The following CACNA1E variants were observed in gnomAD, a reference collection of about 807,000 sequenced individuals.
The protein encoded by CACNA1E is voltage-dependent R-type calcium channel subunit alpha-1E.
Under a neutral mutation model 259.2 loss-of-function variants are expected in CACNA1E, and 40 were observed. That is an observed-to-expected ratio of 0.15 (90% CI 0.12 to 0.20). The LOEUF is 0.20. Ranked by LOEUF, CACNA1E falls within the 10% of genes least tolerant of loss-of-function variation. The probability of loss-of-function intolerance (pLI) is 1.00; values close to 1 mark genes in which losing one functional copy is unlikely to be tolerated. For missense variants in CACNA1E, 1,874 were observed against 3,040.1 expected (o/e 0.62, Z 9.02); for synonymous variants, 1,104 against 1,138.5 (o/e 0.97, Z 0.61).
chr1:181,380,314 A>T (rs1655373388), intron 1 of CACNA1E, among the ~76,000 whole-genome samples: 1 of 152,110 alleles, frequency 6.6e-6, no homozygotes, highest in South Asian at 2.1e-4. Context: ...TTTGGAAAAG[A>T]AGAAACATCT....
chr1:181,719,350 C>T (rs1431977230), intron 12 of CACNA1E, among the ~76,000 whole-genome samples: 1 of 152,212 alleles, frequency 6.6e-6, no homozygotes, highest in African/African-American at 2.4e-5. Context: ...CCAAAACATT[C>T]TTGTTAGCAC....
chr1:181,524,911 G>A (rs1667242307), intron 3 of CACNA1E, among the ~76,000 whole-genome samples: 1 of 152,178 alleles, frequency 6.6e-6, no homozygotes, highest in South Asian at 2.1e-4. Context: ...CATTATCTAT[G>A]TGAGTATAAA....
At chr1:181,604,052 G>A (rs889063481) in intron 6 of CACNA1E, among the ~76,000 whole-genome samples, 4 of 152,176 alleles carry the variant, frequency 2.6e-5, no homozygotes, top group Admixed American at 6.5e-5. Flanking sequence ...TCCTGGAAAC[G>A]CTGGTTTTAA....
intron 29 of CACNA1E, among the ~76,000 whole-genome samples, chr1:181,756,675 C>T (rs1658116410): frequency 6.6e-6 from 1 of 152,198 alleles, no homozygotes; most frequent in Non-Finnish European, 1.5e-5. Context: ...TTGTATTGAA[C>T]ATGACAACCT....
chr1:181,421,378 G>A (rs550235815), intron 2 of CACNA1E, among the ~76,000 whole-genome samples: 3 of 152,272 alleles, frequency 2.0e-5, no homozygotes, highest in South Asian at 2.1e-4. Flanking sequence ...TCCTCAAAAT[G>A]TTGATGAGCA....
At chr1:181,562,710 G>C (rs1023271652) in intron 3 of CACNA1E, among the ~76,000 whole-genome samples, 3 of 152,144 alleles carry the variant, frequency 2.0e-5, no homozygotes, top group Middle Eastern at 3.2e-3. Flanking sequence ...TTCTGTGAGA[G>C]GCAGACATCT....
intron 25 of CACNA1E, among the ~76,000 whole-genome samples, chr1:181,744,803 A>G (rs2102622441): frequency 6.6e-6 from 1 of 152,376 alleles, no homozygotes; most frequent in East Asian, 1.9e-4. Flanking sequence ...ACTGAGCCAG[A>G]CAGGTCATCC....
At chr1:181,514,558 C>T (rs944875634) in intron 3 of CACNA1E, among the ~76,000 whole-genome samples, 5 of 152,196 alleles carry the variant, frequency 3.3e-5, no homozygotes, top group Non-Finnish European at 7.3e-5. Context: ...GACACCTGCA[C>T]CCACAGCAGT....
rs1430625599 is a variant in CACNA1E, at chr1:181,732,283, C to T, written c.2298-101C>T. The T allele has an allele frequency of 2.8e-6, 4 of 1,416,818 alleles. No individual in the cohort carries two copies. The highest frequency in any genetic ancestry group is 2.9e-5 in the African/African-American group (2 of 68,498). The allele number at this position is 1,416,818 out of a possible 1,614,324, so 87.8% of individuals were successfully genotyped here. ...TGCAGGTCCTGGGCACTCCCATTTG[C>T]CCCCACCATGTGTCCTGCCCTCTCA... is the stretch of plus-strand genomic sequence containing the variant. On this transcript the variant is annotated intron_variant, in intron 19 of 47. Transcript: ENST00000367573. This position sits in a 1 kb window ranked among gnomAD's most constrained non-coding sequence, Gnocchi z 5.5.
intron 7 of CACNA1E, among the ~76,000 whole-genome samples, chr1:181,675,483 A>G (rs1396943646): frequency 6.6e-6 from 1 of 152,158 alleles, no homozygotes; most frequent in Non-Finnish European, 1.5e-5. Flanking sequence ...TGCAAAACGT[A>G]TATGTGTTAA....
intron 6 of CACNA1E, among the ~76,000 whole-genome samples, chr1:181,626,190 G>C (rs1326501371): frequency 1.3e-5 from 2 of 152,254 alleles, no homozygotes; most frequent in Non-Finnish European, 2.9e-5. Context: ...TTGAAATATT[G>C]CAAGAATTAT....
chr1:181,481,725 C>T (rs532060538), upstream of CACNA1E, among the ~76,000 whole-genome samples: 7 of 152,276 alleles, frequency 4.6e-5, no homozygotes, highest in South Asian at 1.5e-3. Context: ...GCCCTCAGTT[C>T]AAACCACCAG....
intron 1 of CACNA1E, among the ~76,000 whole-genome samples, chr1:181,380,793 T>C (rs597015): frequency 0.46 from 69,602 of 151,932 alleles, 16,160 homozygotes; most frequent in African/African-American, 0.53. Flanking sequence ...AGTTTAGCAG[T>C]TTAAAAAAAA....
chr1:181,665,915 C>T (rs930567467), intron 7 of CACNA1E, among the ~76,000 whole-genome samples: 2 of 152,076 alleles, frequency 1.3e-5, no homozygotes, highest in Non-Finnish European at 2.9e-5. Context: ...CATTCTTTAA[C>T]TTCTTTTCCT....
At chr1:181,706,000 C>T (rs778616346) in intron 7 of CACNA1E, among the ~76,000 whole-genome samples, 6 of 151,608 alleles carry the variant, frequency 4.0e-5, no homozygotes, top group Non-Finnish European at 8.8e-5. Flanking sequence ...AGATGCATCC[C>T]TTCTTGATTT....
intron 6 of CACNA1E, among the ~76,000 whole-genome samples, chr1:181,603,562 C>T (rs528974866): frequency 6.6e-6 from 1 of 151,930 alleles, no homozygotes; most frequent in African/African-American, 2.4e-5. Context: ...CCCTCCCCCG[C>T]CCCCGCCAAC....
chr1:181,714,480 G>A (rs1261561919), intron 8 of CACNA1E, among the ~76,000 whole-genome samples: 1 of 152,046 alleles, frequency 6.6e-6, no homozygotes, highest in Non-Finnish European at 1.5e-5. Context: ...AGGCATGCTC[G>A]ATTAAACCAT....
chr1:181,604,380 G>T (rs543556273), intron 6 of CACNA1E, among the ~76,000 whole-genome samples: 2 of 152,164 alleles, frequency 1.3e-5, no homozygotes, highest in African/African-American at 4.8e-5. Flanking sequence ...GGGCAAGCTT[G>T]AGATGGTGTT....
At chr1:181,366,711 T>C (rs1654293000) in intron 1 of CACNA1E, among the ~76,000 whole-genome samples, 1 of 152,156 alleles carries the variant, frequency 6.6e-6, no homozygotes, top group Non-Finnish European at 1.5e-5. Flanking sequence ...CCAGACAACT[T>C]GCTTCACTTC....
Sources: gnomAD v4.1 joint callset for allele counts (sites outside exome capture counted in the v4.1 genomes callset) on GRCh38, gnomAD v4.1.1 for gene constraint, Gnocchi (gnomAD v3.1) non-coding constraint, MANE v1.5 for transcripts, NCBI Gene and HGNC (gene_info 2026-07-23, HGNC 2026-07-21) for gene names.